CTBP2: variants seen among roughly 807,000 people sequenced by gnomAD.
The protein encoded by CTBP2 is C-terminal-binding protein 2.
Under a neutral mutation model 80.3 loss-of-function variants are expected in CTBP2, and 30 were observed. The observed-to-expected ratio is 0.37, with a 90% confidence interval of 0.28 to 0.51. CTBP2 has a LOEUF of 0.51. Ranked by LOEUF, CTBP2 falls within the 20% of genes least tolerant of loss-of-function variation. The pLI, the probability that CTBP2 is intolerant of heterozygous loss-of-function variation, is 0.93. For missense variants in CTBP2, 1,212 were observed against 1,375.3 expected (o/e 0.88, Z 1.88); for synonymous variants, 594 against 587.4 (o/e 1.01, Z -0.16).
chr10:125,034,672 C>T (rs948745226), intron 3 of CTBP2, among the ~76,000 whole-genome samples: 1 of 152,056 alleles, frequency 6.6e-6, no homozygotes, highest in African/African-American at 2.4e-5. Context: ...CTTTACGAAG[C>T]GCTCAAAGTG....
At chr10:125,074,658 T>A (rs1846019265) in intron 2 of CTBP2, among the ~76,000 whole-genome samples, 1 of 152,242 alleles carries the variant, frequency 6.6e-6, no homozygotes, top group Non-Finnish European at 1.5e-5. Context: ...ACTGTCCTTT[T>A]CACATTGAAG....
At chr10:125,089,837 G>T (rs914190782) in intron 2 of CTBP2, among the ~76,000 whole-genome samples, 1 of 152,160 alleles carries the variant, frequency 6.6e-6, no homozygotes, top group Admixed American at 6.5e-5. Flanking sequence ...CCTAATGGGT[G>T]GGACCATGTC....
At chr10:125,040,687 G>A (rs918040091) in intron 2 of CTBP2, among the ~76,000 whole-genome samples, 1 of 151,720 alleles carries the variant, frequency 6.6e-6, no homozygotes, top group African/African-American at 2.4e-5. Context: ...TAAAAATGAG[G>A]CCCAAGGGGT....
rs909324926 is a variant in CTBP2, at chr10:125,027,699, A to G, written c.61T>C (p.Trp21Arg). 1 of 1,613,380 alleles carries G rather than the reference A, an allele frequency of 6.2e-7. No homozygotes were observed. The highest frequency in any genetic ancestry group is 1.3e-5 in the African/African-American group (1 of 74,960). Residue 21 changes from tryptophan (W) to arginine (R), a missense_variant, in exon 1 of 9, where the codon TGG becomes CGG. Physicochemically the swap from Trp to Arg is moderately radical, Grantham distance 101. This residue lies in a region of CTBP2 where 848 missense variants were observed against 782.3 expected (regional missense o/e 1.08). Transcript: ENST00000309035. Reference sequence around the variant, plus strand: ...GCGTTCTCCCAGGGGCCCTCGTACCACCCAGCAGCATCCCAGCTCTGAGAA... The same window carrying G: ...GCGTTCTCCCAGGGGCCCTCGTACCGCCCAGCAGCATCCCAGCTCTGAGAA...
chr10:125,139,940 G>A (rs972599016), intron 1 of CTBP2, among the ~76,000 whole-genome samples: 11 of 151,936 alleles, frequency 7.2e-5, no homozygotes, highest in Admixed American at 4.6e-4. Flanking sequence ...AAAGCAGACC[G>A]GTGGCCACAC....
intron 2 of CTBP2, among the ~76,000 whole-genome samples, chr10:125,063,119 C>T (rs935540789): frequency 2.6e-5 from 4 of 152,174 alleles, no homozygotes; most frequent in African/African-American, 9.7e-5. Flanking sequence ...GGACCTCAGC[C>T]GCAACTGTGT....
intron 8 of CTBP2, among the ~76,000 whole-genome samples, chr10:124,992,486 CT>C (rs1421338643): frequency 1.3e-5 from 2 of 152,090 alleles, no homozygotes; most frequent in Admixed American, 6.6e-5. Flanking sequence ...AACACACCCC[CT>C]TTTAAAATAG....
At chr10:125,110,293 T>C (rs970556969) in intron 2 of CTBP2, among the ~76,000 whole-genome samples, 3 of 152,230 alleles carry the variant, frequency 2.0e-5, no homozygotes, top group Admixed American at 2.0e-4. Context: ...TCAGAGAAGT[T>C]GCCACTTTGA....
chr10:125,115,595 A>T (rs1853111077), intron 1 of CTBP2, among the ~76,000 whole-genome samples: 1 of 152,190 alleles, frequency 6.6e-6, no homozygotes, highest in Admixed American at 6.5e-5. Context: ...TACAGCAAGC[A>T]CTCAATAACT....
chr10:125,100,929 TTAC>T (rs1449877420), intron 2 of CTBP2, among the ~76,000 whole-genome samples: 2 of 152,248 alleles, frequency 1.3e-5, no homozygotes, highest in South Asian at 2.1e-4. Flanking sequence ...TGTCTTGTTA[TTAC>T]TACTATTTTT....
At chr10:124,998,849 G>C (rs537498572) in intron 3 of CTBP2, 3 of 155,888 alleles carry the variant, frequency 1.9e-5, no homozygotes, top group Non-Finnish European at 4.3e-5. Flanking sequence ...GGTCAGGGCC[G>C]AGGGTGGCTT....
intron 2 of CTBP2, among the ~76,000 whole-genome samples, chr10:125,104,435 T>A (rs1333176218): frequency 6.6e-6 from 1 of 152,232 alleles, no homozygotes; most frequent in East Asian, 1.9e-4. Context: ...CTGTTTCTTT[T>A]AAACAGTATA....
chr10:124,989,692 C>T lies in CTBP2; in HGVS notation c.2784G>A (p.Pro928=), dbSNP rs756901110. Residue 928 remains proline (P), a synonymous_variant, in exon 9 of 9, where the codon CCG becomes CCA. Coordinates refer to ENST00000309035, the MANE Select transcript of CTBP2 (RefSeq NM_022802.3). ...CTGGAGCCACACCCACGATGCCTGG[C>T]GGATATCTAAGGAACACACAGAAAT... is the stretch of plus-strand genomic sequence containing the variant. The T allele has an allele frequency of 2.2e-5, 35 of 1,573,464 alleles. No individual in the cohort carries two copies. The East Asian group carries it at 2.7e-4, about 12-fold the overall frequency.
intron 1 of CTBP2, among the ~76,000 whole-genome samples, chr10:125,008,303 T>C (rs4962416): frequency 0.23 from 34,731 of 152,154 alleles, 4,414 homozygotes; most frequent in Middle Eastern, 0.39. Context: ...CCTGACACCG[T>C]AGCAGTCTCA....
intron 1 of CTBP2, among the ~76,000 whole-genome samples, chr10:125,134,663 CGGCGCGGGAGGACGAA>C (rs1282802523): frequency 1.3e-5 from 2 of 152,266 alleles, no homozygotes; most frequent in Admixed American, 6.5e-5. Flanking sequence ...CCCAGACACG[CGGCGCGGGAGGACGAA>C]GAGAACCTGA....
Position 125,060,465 on chromosome 10 carries a change from T to A in CTBP2, c.-101-21310A>T, listed in dbSNP as rs1233127483. ...GTCATGATATTCCATTCCCCCCACGTGTGTGTGTGTGTGTGTGTGTGTGTG... is the reference window on the plus strand; with the variant it reads ...GTCATGATATTCCATTCCCCCCACGAGTGTGTGTGTGTGTGTGTGTGTGTG... On this transcript the variant is annotated intron_variant, in intron 2 of 10. Coordinates refer to the CTBP2 transcript ENST00000337195. 4.5e-5 allele frequency among the ~76,000 whole-genome samples: 2 copies of A among 44,634 alleles called. 1 individual carries two copies. Among genetic ancestry groups the A allele is most frequent in the Non-Finnish European group, 7.7e-5 (2 of 26,022 alleles). The allele number at this position is 44,634 out of a possible 152,430, so 29.3% of individuals were successfully genotyped here.
chr10:125,004,380 C>G (rs1954957618), intron 1 of CTBP2, among the ~76,000 whole-genome samples: 1 of 152,202 alleles, frequency 6.6e-6, no homozygotes, highest in African/African-American at 2.4e-5. Context: ...GGCCTCTTTT[C>G]TCTCTTTATT....
At chr10:125,037,389 T>C (rs1463925152) in intron 3 of CTBP2, among the ~76,000 whole-genome samples, 1 of 152,222 alleles carries the variant, frequency 6.6e-6, no homozygotes, top group East Asian at 1.9e-4. Flanking sequence ...TTCCTGCTAG[T>C]AACCTTGGAA....
In CTBP2 at chr10:124,992,738, C is replaced by G. The variant is rs923141772; in HGVS notation, c.2734G>C (p.Asp912His). ...AGCTCAGGATGAATTGCTTGCTGGTCTATTACTGACCAAGGCGCTGATGTG... is the reference window on the plus strand; with the variant it reads ...AGCTCAGGATGAATTGCTTGCTGGTGTATTACTGACCAAGGCGCTGATGTG... The change falls in exon 8 of 9, where the codon GAC (aspartate) becomes CAC (histidine). Residue 912 changes from aspartate to histidine, a missense_variant. Physicochemically the swap from Asp to His is moderately conservative, Grantham distance 81. This residue lies in a region of CTBP2 where 335 missense variants were observed against 504.7 expected (regional missense o/e 0.66). Transcript: ENST00000309035. 6.2e-7 allele frequency: 1 copy of G among 1,608,974 alleles called. No homozygotes were observed. Among genetic ancestry groups the G allele is most frequent in the Non-Finnish European group, 8.5e-7 (1 of 1,177,604 alleles).
Sources: gnomAD v4.1 joint callset for allele counts (sites outside exome capture counted in the v4.1 genomes callset) on GRCh38, gnomAD v4.1.1 for gene constraint, gnomAD v4.1.1 regional missense constraint, MANE v1.5 for transcripts, NCBI Gene and HGNC (gene_info 2026-07-23, HGNC 2026-07-21) for gene names.